EHMT1: variants seen among roughly 807,000 people sequenced by gnomAD.
EHMT1 encodes euchromatic histone lysine methyltransferase 1.
In EHMT1, 15 loss-of-function variants were observed where a neutral mutation model predicts 147.2. That is an observed-to-expected ratio of 0.10 (90% CI 0.07 to 0.16). The LOEUF (loss-of-function observed/expected upper bound fraction) is 0.16, where lower values mean the gene tolerates loss of function less well. Among genes scored for constraint, EHMT1 ranks in the 10% least tolerant of loss-of-function variants. The probability of loss-of-function intolerance (pLI) is 1.00; values close to 1 mark genes in which losing one functional copy is unlikely to be tolerated. For missense variants in EHMT1, 1,587 were observed against 1,772.4 expected (o/e 0.90, Z 1.88); for synonymous variants, 795 against 709.6 (o/e 1.12, Z -1.91).
At chr9:137,724,404 T>C (rs1204150522) in intron 3 of EHMT1, among the ~76,000 whole-genome samples, 1 of 152,244 alleles carries the variant, frequency 6.6e-6, no homozygotes, top group Non-Finnish European at 1.5e-5. Flanking sequence ...CCGGCCGTGC[T>C]GCCTCCATGG....
chr9:137,763,758 A>C (rs1021329038), intron 10 of EHMT1: 1 of 152,610 alleles, frequency 6.6e-6, no homozygotes, highest in African/African-American at 2.4e-5. Flanking sequence ...CAGCCTGTGC[A>C]GCATCGGCCG....
intron 1 of EHMT1, among the ~76,000 whole-genome samples, chr9:137,621,154 T>C (rs1234798756): frequency 6.6e-6 from 1 of 152,178 alleles, no homozygotes; most frequent in Non-Finnish European, 1.5e-5. Context: ...TGTTTTTAGA[T>C]TGATAATTCT....
At chr9:137,634,410 TG>T (rs1355868279) in intron 1 of EHMT1, among the ~76,000 whole-genome samples, 1 of 152,196 alleles carries the variant, frequency 6.6e-6, no homozygotes, top group East Asian at 1.9e-4. Context: ...CTTTCCCCAT[TG>T]AATTGCCTGG....
At chr9:137,815,505 G>A (rs760645017) in intron 22 of EHMT1, 13 of 286,106 alleles carry the variant, frequency 4.5e-5, no homozygotes, top group East Asian at 8.6e-5. Flanking sequence ...CTGGCTTCAG[G>A]GGGGTAGAAA....
intron 18 of EHMT1, chr9:137,802,863 G>C: frequency 8.1e-7 from 1 of 1,232,096 alleles, no homozygotes; most frequent in Non-Finnish European, 1.0e-6. Context: ...TTAGGATGAC[G>C]GCACCATGAA....
intron 1 of EHMT1, among the ~76,000 whole-genome samples, chr9:137,659,143 T>C (rs187806717): frequency 4.6e-5 from 7 of 152,282 alleles, no homozygotes; most frequent in African/African-American, 1.7e-4. Flanking sequence ...ATACTAGATC[T>C]TATTCCAGGG....
intron 4 of EHMT1, among the ~76,000 whole-genome samples, chr9:137,730,109 C>G (rs1054797438): frequency 1.2e-4 from 19 of 152,198 alleles, no homozygotes; most frequent in Admixed American, 3.3e-4. Context: ...CCCAGTGTTT[C>G]CCAGGATTGT....
intron 1 of EHMT1, among the ~76,000 whole-genome samples, chr9:137,686,135 G>A (rs1942404993): frequency 6.6e-6 from 1 of 152,128 alleles, no homozygotes; most frequent in Admixed American, 6.5e-5. Context: ...TGATTTGGAA[G>A]TATTTTCTCT....
intron 16 of EHMT1, among the ~76,000 whole-genome samples, chr9:137,796,855 C>A (rs911085574): frequency 7.4e-6 from 1 of 134,924 alleles, no homozygotes; most frequent in Non-Finnish European, 1.6e-5. Context: ...GAATTCCATA[C>A]AACGTAACAG....
In EHMT1 at chr9:137,775,885, G is replaced by A. The variant is rs1950917785; in HGVS notation, c.1791+633G>A. 6.6e-6 allele frequency among the ~76,000 whole-genome samples: 1 copy of A among 150,774 alleles called. No homozygotes were observed. Among genetic ancestry groups the A allele is most frequent in the Non-Finnish European group, 1.5e-5 (1 of 67,586 alleles). Reference sequence around the variant, plus strand: ...GTGGGCATCCTCGTGCATGTAGGGTGTGTGTGTGTGTGTGTCTGTGCGCGC... The same window carrying A: ...GTGGGCATCCTCGTGCATGTAGGGTATGTGTGTGTGTGTGTCTGTGCGCGC... On this transcript the variant is annotated intron_variant, in intron 11 of 26. Transcript: ENST00000460843. The surrounding 1 kb of genome is among the most constrained non-coding windows in gnomAD (Gnocchi z 6.1).
chr9:137,752,420 C>A lies in EHMT1; in HGVS notation c.1248+12C>A, dbSNP rs377629839. ...ACGAGTCTGACCTGGTAATGCCCAG[C>A]GCCTCCTCCTGCGTCTGTGCTGATG... is the stretch of plus-strand genomic sequence containing the variant. On this transcript the variant is annotated intron_variant, in intron 7 of 26. Coordinates refer to ENST00000460843, the MANE Select transcript of EHMT1 (RefSeq NM_024757.5). 4.2e-5 allele frequency: 67 copies of A among 1,612,466 alleles called. No homozygotes were observed. Among genetic ancestry groups the A allele is most frequent in the Non-Finnish European group, 5.0e-5 (59 of 1,179,388 alleles).
chr9:137,651,987 C>T (rs538247189), intron 1 of EHMT1, among the ~76,000 whole-genome samples: 2 of 152,128 alleles, frequency 1.3e-5, no homozygotes, highest in African/African-American at 4.8e-5. Context: ...TCCTATGTTA[C>T]TGGTGTATGT....
intron 1 of EHMT1, 72 bp from the exon 2 acceptor site, chr9:137,710,895 T>C (rs1444504691): frequency 1.3e-6 from 2 of 1,522,862 alleles, no homozygotes; most frequent in Non-Finnish European, 1.8e-6. Context: ...TTTGACTTTT[T>C]CCAAATGATG....
chr9:137,798,135 TC>T (rs953044424), intron 16 of EHMT1, among the ~76,000 whole-genome samples: 24 of 152,256 alleles, frequency 1.6e-4, no homozygotes, highest in Non-Finnish European at 2.5e-4. Flanking sequence ...AGCACTGTAA[TC>T]CCAGTTACGA....
intron 24 of EHMT1, 121 bp from the exon 25 acceptor site, chr9:137,817,939 T>G: frequency 1.1e-6 from 1 of 950,276 alleles, no homozygotes; most frequent in Non-Finnish European, 1.7e-6. Context: ...CTAAACATGT[T>G]CCCTGCATGT....
intron 3 of EHMT1, among the ~76,000 whole-genome samples, chr9:137,720,906 G>A (rs1233679942): frequency 2.6e-5 from 4 of 152,096 alleles, no homozygotes; most frequent in African/African-American, 9.7e-5. Context: ...TGGCCTTCGG[G>A]TGTTTCATTG....
intron 8 of EHMT1, 69 bp from the exon 9 acceptor site, chr9:137,757,811 C>T: frequency 6.2e-7 from 1 of 1,608,000 alleles, no homozygotes; most frequent in Admixed American, 1.7e-5. Context: ...AGCCTTGCTG[C>T]CCTGTGCGTC....
chr9:137,682,150 G>A (rs549697096), intron 1 of EHMT1, among the ~76,000 whole-genome samples: 2 of 151,854 alleles, frequency 1.3e-5, no homozygotes, highest in East Asian at 1.9e-4. Flanking sequence ...GGGTTTCTCC[G>A]TGTTCGTCAG....
intron 16 of EHMT1, among the ~76,000 whole-genome samples, chr9:137,792,661 C>T (rs112791882): frequency 2.6e-5 from 4 of 152,156 alleles, no homozygotes; most frequent in Non-Finnish European, 5.9e-5. Flanking sequence ...GCCGAGATCA[C>T]GCCACTGCGC....
Sources: gnomAD v4.1 joint callset for allele counts (sites outside exome capture counted in the v4.1 genomes callset) on GRCh38, gnomAD v4.1.1 for gene constraint, Gnocchi (gnomAD v3.1) non-coding constraint, MANE v1.5 for transcripts, NCBI Gene and HGNC (gene_info 2026-07-23, HGNC 2026-07-21) for gene names.